IDUA: variants seen among roughly 807,000 people sequenced by gnomAD.
The protein encoded by IDUA is alpha-L-iduronidase.
Under a neutral mutation model 68.9 loss-of-function variants are expected in IDUA, and 65 were observed. That is an observed-to-expected ratio of 0.94 (90% CI 0.77 to 1.16). The LOEUF is 1.16. IDUA is among the 50% of genes most tolerant of loss of function. IDUA has a pLI of 0.00. For missense variants in IDUA, 1,046 were observed against 938.0 expected (o/e 1.12, Z -1.50); for synonymous variants, 529 against 433.6 (o/e 1.22, Z -2.73).
Position 1,001,808 on chromosome 4 carries a change from A to T in IDUA, c.719A>T (p.His240Leu). ...CCGCTGAGCTGGGGCCTCCTGCGCC[A>T]CTGCCACGACGGTACCAACTTCTTC... is the stretch of plus-strand genomic sequence containing the variant. ...RSPLSWGLLR[H>L]CHDGTNFFTG... is the part of the protein sequence containing the mutation. Residue 240 changes from histidine to leucine, a missense_variant, in exon 6 of 14, where the codon CAC becomes CTC. Transcript: ENST00000514224. The T allele has an allele frequency of 1.2e-6, 2 of 1,604,892 alleles. No individual in the cohort carries two copies. Among genetic ancestry groups the T allele is most frequent in the Non-Finnish European group, 1.7e-6 (2 of 1,177,640 alleles).
chr4:993,962 C>T (rs1714569675), intron 2 of IDUA, among the ~76,000 whole-genome samples: 1 of 152,266 alleles, frequency 6.6e-6, no homozygotes, highest in South Asian at 2.1e-4. Context: ...GCCAGGAGTC[C>T]TGGTCTGACT....
At chr4:999,842 G>C (rs113853561) in intron 2 of IDUA, 1 of 23,484 alleles carries the variant, frequency 4.3e-5, no homozygotes. Context: ...TCTCCCTTGA[G>C]GACGCCTGTC....
At position 1,002,376 on chromosome 4, in the gene IDUA, C is replaced by T; in HGVS notation, c.1080C>T (p.Phe360=). The part of the protein sequence containing the change: ...NAFLSYHPHP[F]AQRTLTARFQ... ...TCCTGAGCTACCACCCGCACCCCTTCGCGCAGCGCACGCTCACCGCGCGCT... is the reference window on the plus strand; with the variant it reads ...TCCTGAGCTACCACCCGCACCCCTTTGCGCAGCGCACGCTCACCGCGCGCT... The change falls in exon 8 of 14, where the codon TTC becomes TTT. Residue 360 remains phenylalanine, a synonymous_variant. Coordinates refer to ENST00000514224, the MANE Select transcript of IDUA (RefSeq NM_000203.5). The T allele has an allele frequency of 1.2e-6, 2 of 1,611,926 alleles. No homozygotes were observed. The highest frequency in any genetic ancestry group is 1.7e-6 in the Non-Finnish European group (2 of 1,179,318).
chr4:998,906 C>T (rs1714903493), intron 2 of IDUA, among the ~76,000 whole-genome samples: 1 of 152,046 alleles, frequency 6.6e-6, no homozygotes, highest in African/African-American at 2.4e-5. Context: ...CCCAGCCAGT[C>T]TTCCAGCTCC....
At chr4:987,741 C>G in intron 1 of IDUA, 68 bp from the exon 2 acceptor site, 3 of 1,603,902 alleles carry the variant, frequency 1.9e-6, no homozygotes, top group South Asian at 2.2e-5. Context: ...TGGGCTTGAA[C>G]GTGTGTGTCA....
chr4:1,001,748 GC>G lies in IDUA; in HGVS notation c.663del (p.Gly222AlafsTer12). Reference sequence around the variant, plus strand: ...GCCAGCCCCGCCCTGCGGCTGGGAGGCCCCGGCGACTCCTTCCACACCCCAC... The same window carrying G: ...GCCAGCCCCGCCCTGCGGCTGGGAGGCCCGGCGACTCCTTCCACACCCCAC... ...RAASPALRLG[G>X]PGDSFHTPPR... On this transcript the variant is annotated frameshift_variant, in exon 6 of 14. Transcript: ENST00000514224. LOFTEE classifies it high-confidence loss of function. The G allele has an allele frequency of 6.3e-7, 1 of 1,597,638 alleles. No homozygotes were observed.
At position 988,533 on chromosome 4, in the gene IDUA, C is replaced by T. The variant is rs1713932967; in HGVS notation, c.299+584C>T. 5 of 1,225,414 alleles carry T rather than the reference C, an allele frequency of 4.1e-6. No individual in the cohort carries two copies. The South Asian group carries it at 8.5e-5, about 21-fold the overall frequency. 75.9% of individuals were successfully genotyped at this position (1,225,414 alleles called of 1,614,324 possible). On this transcript the variant is annotated intron_variant, in intron 2 of 13. Coordinates refer to ENST00000514224, the MANE Select transcript of IDUA (RefSeq NM_000203.5). ...CCCTTGTTCAAATAAGATGTCAACC[C>T]TGAGCGTCAGGTCAGGCCCATCCCT...
chr4:991,690 G>C (rs1263008924), intron 2 of IDUA: 3 of 1,534,268 alleles, frequency 2.0e-6, no homozygotes, highest in Non-Finnish European at 2.6e-6. Context: ...CAGAGGCTCA[G>C]GGGACTCGTC....
At chr4:987,266 A>AC in intron 1 of IDUA, 24 bp downstream of exon 1, 1 of 1,511,260 alleles carries the variant, frequency 6.6e-7, no homozygotes, top group South Asian at 1.2e-5. Flanking sequence ...GGCCTCCGGG[A>AC]CCCCCTGGCC....
rs1426919426 is a variant in IDUA at position 1,002,039 on chromosome 4, C to T, written c.850C>T (p.Arg284Trp). ...EQEKVVAQQI[R>W]QLFPKFADTP... Reference sequence around the variant, plus strand: ...GGAGAAGGTCGTCGCGCAGCAGATCCGGCAGCTCTTCCCCAAGTTCGCGGA... The same window carrying T: ...GGAGAAGGTCGTCGCGCAGCAGATCTGGCAGCTCTTCCCCAAGTTCGCGGA... The change falls in exon 7 of 14, where the codon CGG (arginine) becomes TGG (tryptophan). Residue 284 changes from arginine to tryptophan, a missense_variant. Transcript: ENST00000514224. 1 of 1,598,382 alleles carries T rather than the reference C, an allele frequency of 6.3e-7. No homozygotes were observed. The highest frequency in any genetic ancestry group is 1.3e-5 in the African/African-American group (1 of 74,818).
chr4:1,001,720 G>T lies in IDUA; in HGVS notation c.631G>T (p.Ala211Ser), dbSNP rs1560546903. ...CGATGCCTGCTCGGAGGGTCTGCGCGCCGCCAGCCCCGCCCTGCGGCTGGG... is the reference window on the plus strand; with the variant it reads ...CGATGCCTGCTCGGAGGGTCTGCGCTCCGCCAGCCCCGCCCTGCGGCTGGG... Reference protein sequence around the residue: ...YYDACSEGLRAASPALRLGGP... With the variant: ...YYDACSEGLRSASPALRLGGP... Residue 211 changes from alanine (A) to serine (S), a missense_variant, in exon 6 of 14, where the codon GCC becomes TCC. By Grantham distance (99) the Ala-to-Ser change is moderately conservative. Coordinates refer to ENST00000514224, the MANE Select transcript of IDUA (RefSeq NM_000203.5). The T allele has an allele frequency of 1.3e-6, 2 of 1,598,866 alleles. No individual in the cohort carries two copies. Among genetic ancestry groups the T allele is most frequent in the South Asian group, 1.1e-5 (1 of 90,754 alleles).
In IDUA at chr4:987,955, C is replaced by T. The variant is rs147498923; in HGVS notation, c.299+6C>T. On this transcript the variant is annotated splice_donor_region_variant and intron_variant, in intron 2 of 13. Coordinates refer to ENST00000514224, the MANE Select transcript of IDUA (RefSeq NM_000203.5). ...CTGGAGCTTGTCACCACCAGGTGGGCGGCGGGCAGGGTCTGGGCGTCCCAG... is the reference window on the plus strand; with the variant it reads ...CTGGAGCTTGTCACCACCAGGTGGGTGGCGGGCAGGGTCTGGGCGTCCCAG... 9.6e-3 allele frequency: 14,986 copies of T among 1,566,936 alleles called. 119 individuals carry two copies. Among genetic ancestry groups the T allele is most frequent in the Middle Eastern group, 0.027 (154 of 5,654 alleles).
chr4:1,003,642 GC>G lies in IDUA; in HGVS notation c.1727+21del, dbSNP rs1191584586. 1 of 1,611,534 alleles carries G rather than the reference GC, an allele frequency of 6.2e-7. No individual in the cohort carries two copies. The highest frequency in any genetic ancestry group is 2.2e-5 in the East Asian group (1 of 44,848). On this transcript the variant is annotated intron_variant, in intron 12 of 13. Transcript: ENST00000514224. ...GGGCTCCAAGTGCGTGAGTGGGGCC[GC>G]CCCTCCCTCTGCCTGGTCCTAGGCA... is the stretch of plus-strand genomic sequence containing the variant.
At chr4:988,080 G>A in intron 2 of IDUA, 131 bp downstream of exon 2, 5 of 1,455,600 alleles carry the variant, frequency 3.4e-6, no homozygotes, top group Non-Finnish European at 3.6e-6. Context: ...TGGGGAGAGC[G>A]TGTCCTTGCT....
chr4:990,388 G>T, intron 2 of IDUA: 1 of 1,553,144 alleles, frequency 6.4e-7, no homozygotes, highest in South Asian at 1.2e-5. Flanking sequence ...GGTCAGGCCA[G>T]CAGGCGCCTG....
rs547206097 is a variant in IDUA, at chr4:1,004,480, C to T, written c.*87C>T. ...GTGCCCATGCTGCCCTCCCATCACC[C>T]CCTTTGCAATATATTTTTATATTTT... On this transcript the variant is annotated 3_prime_UTR_variant, in exon 14 of 14. Coordinates refer to ENST00000514224, the MANE Select transcript of IDUA (RefSeq NM_000203.5). This position sits in a 1 kb window ranked among gnomAD's most constrained non-coding sequence, Gnocchi z 5.0. The T allele has an allele frequency of 1.6e-6, 2 of 1,268,804 alleles. No individual in the cohort carries two copies. The highest frequency in any genetic ancestry group is 2.5e-5 in the East Asian group (1 of 40,788). The allele number at this position is 1,268,804 out of a possible 1,614,324, so 78.6% of individuals were successfully genotyped here. A position where few individuals can be genotyped will look rare whatever the true frequency, so the allele number is the denominator to read the frequency against.
intron 2 of IDUA, among the ~76,000 whole-genome samples, chr4:999,459 T>C (rs1208157438): frequency 6.6e-6 from 1 of 152,244 alleles, no homozygotes; most frequent in East Asian, 1.9e-4. Context: ...GCTGCCTGGA[T>C]GTCTTCCTGC....
chr4:988,789 G>T (rs1183460248), intron 2 of IDUA: 2 of 1,485,066 alleles, frequency 1.3e-6, no homozygotes, highest in Non-Finnish European at 1.8e-6. Context: ...GTCTGCTGTG[G>T]GTCCCCAGGA....
chr4:996,983 G>A (rs909745993), intron 2 of IDUA, among the ~76,000 whole-genome samples: 23 of 152,190 alleles, frequency 1.5e-4, no homozygotes, highest in African/African-American at 4.1e-4. Flanking sequence ...CCCCCCTCCC[G>A]CCTGAACCCC....
Sources: allele counts gnomAD v4.1 joint callset (sites outside exome capture counted in the v4.1 genomes callset), GRCh38; gene constraint gnomAD v4.1.1; non-coding constraint Gnocchi (gnomAD v3.1); transcripts MANE v1.5; gene names NCBI Gene and HGNC (gene_info 2026-07-23, HGNC 2026-07-21).